XPO1: variants seen among roughly 807,000 people sequenced by gnomAD.
XPO1 encodes the protein exportin-1.
XPO1 carries 5 observed loss-of-function variants against 133.3 expected under a neutral mutation model. The observed-to-expected ratio is 0.04, with a 90% CI of 0.02 to 0.08. XPO1 has a LOEUF of 0.08. Among genes scored for constraint, XPO1 ranks in the 10% least tolerant of loss-of-function variants. The pLI is 1.00. For synonymous variants in XPO1, 419 were observed against 408.2 expected, an observed-to-expected ratio of 1.03 and a Z score of -0.32; for missense variants, 506 against 1,267.5, an observed-to-expected ratio of 0.40 and a Z score of 9.12.
At chr2:61,500,778 GACAGAGCGACACTCCA>G (rs1466896762) in intron 6 of XPO1, among the ~76,000 whole-genome samples, 1 of 151,958 alleles carries the variant, frequency 6.6e-6, no homozygotes, top group Admixed American at 6.6e-5. Flanking sequence ...CAGCATGGGC[GACAGAGCGACACTCCA>G]TTTCAAACAA....
At chr2:61,481,317 A>C in intron 23 of XPO1, 36 bp from the exon 24 acceptor site, 1 of 1,533,902 alleles carries the variant, frequency 6.5e-7, no homozygotes, top group Non-Finnish European at 8.9e-7. Context: ...ATAATGATTT[A>C]TTTTTCCCCC....
At chr2:61,534,108 G>C in intron 1 of XPO1, 1 of 457,234 alleles carries the variant, frequency 2.2e-6, no homozygotes, top group South Asian at 4.8e-5. Context: ...AAATTATTAT[G>C]GTCCATTCAA....
In XPO1 at chr2:61,531,203, C is replaced by A. The variant is rs1047240116; in HGVS notation, c.126+2569G>T. On this transcript the variant is annotated intron_variant, in intron 2 of 24. Coordinates refer to ENST00000401558, the MANE Select transcript of XPO1 (RefSeq NM_003400.4). ...AGGACTTTTAGAGACCAAAAGGACT[C>A]CTTAACCAGCTTTAAGCTCTAAATC... is the stretch of plus-strand genomic sequence containing the variant. 3.9e-5 allele frequency among the ~76,000 whole-genome samples: 6 copies of A among 152,256 alleles called. No homozygotes were observed. The East Asian group carries it at 1.2e-3, about 29-fold the overall frequency.
chr2:61,532,092 T>C (rs551514751), intron 2 of XPO1, among the ~76,000 whole-genome samples: 2 of 152,148 alleles, frequency 1.3e-5, no homozygotes, highest in Non-Finnish European at 2.9e-5. Flanking sequence ...GAAAGTGTAA[T>C]GGCACTCAGG....
chr2:61,486,437 G>A (rs1696697735), intron 19 of XPO1, among the ~76,000 whole-genome samples: 1 of 148,444 alleles, frequency 6.7e-6, no homozygotes, highest in Non-Finnish European at 1.5e-5. Context: ...TATGTAAGAT[G>A]GCAGCAAGCG....
chr2:61,523,838 A>G (rs1180209427), intron 3 of XPO1, among the ~76,000 whole-genome samples: 1 of 152,186 alleles, frequency 6.6e-6, no homozygotes, highest in Non-Finnish European at 1.5e-5. Flanking sequence ...TTAACATTTC[A>G]CACTCTTCAA....
intron 11 of XPO1, chr2:61,494,847 C>G (rs934807411): frequency 6.7e-6 from 1 of 148,638 alleles, no homozygotes; most frequent in African/African-American, 2.5e-5. Flanking sequence ...GAGAGAGAGA[C>G]ATTTTCTTCC....
intron 4 of XPO1, among the ~76,000 whole-genome samples, chr2:61,514,983 C>T (rs967932584): frequency 6.6e-5 from 10 of 150,956 alleles, no homozygotes; most frequent in African/African-American, 2.2e-4. Context: ...GCACAAGAAT[C>T]GCTTGAACCC....
intron 4 of XPO1, among the ~76,000 whole-genome samples, chr2:61,509,958 A>G (rs1162380108): frequency 6.6e-6 from 1 of 152,198 alleles, no homozygotes; most frequent in Non-Finnish European, 1.5e-5. Flanking sequence ...TATAATTGAA[A>G]TGTTTATTAC....
intron 6 of XPO1, among the ~76,000 whole-genome samples, chr2:61,501,191 G>A (rs1697497851): frequency 6.6e-6 from 1 of 152,024 alleles, no homozygotes; most frequent in Admixed American, 6.6e-5. Context: ...TTGGAAGCTT[G>A]GATGTTTCTA....
At chr2:61,531,770 A>C (rs1423506420) in intron 2 of XPO1, among the ~76,000 whole-genome samples, 1 of 152,258 alleles carries the variant, frequency 6.6e-6, no homozygotes, top group Non-Finnish European at 1.5e-5. Flanking sequence ...TTAAAGCTTC[A>C]TGTTGAATGT....
At chr2:61,485,082 G>A (rs1371354860) in intron 20 of XPO1, 6 of 152,276 alleles carry the variant, frequency 3.9e-5, no homozygotes, top group East Asian at 3.9e-4. Context: ...GTTTTGCCAC[G>A]TTAGGCAGGC....
intron 4 of XPO1, among the ~76,000 whole-genome samples, chr2:61,515,420 A>G (rs1573190393): frequency 6.6e-6 from 1 of 152,340 alleles, no homozygotes; most frequent in East Asian, 1.9e-4. Flanking sequence ...AGGACACAGA[A>G]AAGTAGGTGT....
In XPO1 at chr2:61,478,366, T is replaced by C. The variant is rs190918392; in HGVS notation, c.*454A>G. 2 of 243,114 alleles carry C rather than the reference T, an allele frequency of 8.2e-6. No homozygotes were observed. The highest frequency in any genetic ancestry group is 2.2e-5 in the African/African-American group (1 of 45,536). 15.1% of individuals were successfully genotyped at this position (243,114 alleles called of 1,614,324 possible). On this transcript the variant is annotated 3_prime_UTR_variant, in exon 25 of 25. Coordinates refer to ENST00000401558, the MANE Select transcript of XPO1 (RefSeq NM_003400.4). ...TCCAAGAGGTGCTAACTTCAGACAA[T>C]GCAGCACTATAATCCTTTAAACAAC...
chr2:61,488,474 G>T, intron 18 of XPO1, 114 bp downstream of exon 18: 1 of 1,231,100 alleles, frequency 8.1e-7, no homozygotes, highest in Non-Finnish European at 1.1e-6. Flanking sequence ...AGGGTCATTT[G>T]GGAAATGGGA....
Position 61,479,048 on chromosome 2 carries a change from TTAGAG to T in XPO1, c.3070-87_3070-83del. On this transcript the variant is annotated intron_variant, in intron 24 of 24. Coordinates refer to ENST00000401558, the MANE Select transcript of XPO1 (RefSeq NM_003400.4). ...AAATCATAGATGAGCAATTTCCTTT[TTAGAG>T]AAGGAAGGAATATAAATTATCCATA... The T allele has an allele frequency of 2.7e-6, 4 of 1,499,952 alleles. No homozygotes were observed. In the South Asian group the frequency reaches 3.7e-5, roughly 14 times the overall value. The allele number at this position is 1,499,952 out of a possible 1,614,324, so 92.9% of individuals were successfully genotyped here.
intron 22 of XPO1, 41 bp downstream of exon 22, chr2:61,482,916 C>T (rs1234851153): frequency 1.9e-6 from 3 of 1,610,984 alleles, no homozygotes; most frequent in Admixed American, 3.4e-5. Flanking sequence ...AGGCCCTGTG[C>T]CCAGCTGGCA....
At chr2:61,486,622 A>C (rs1479356237) in intron 19 of XPO1, among the ~76,000 whole-genome samples, 1 of 151,864 alleles carries the variant, frequency 6.6e-6, no homozygotes, top group Non-Finnish European at 1.5e-5. Flanking sequence ...CGCCCAGCTA[A>C]TTTTTTATAT....
At chr2:61,529,737 T>C (rs984808276) in intron 2 of XPO1, among the ~76,000 whole-genome samples, 6 of 152,122 alleles carry the variant, frequency 3.9e-5, no homozygotes, top group East Asian at 1.9e-4. Flanking sequence ...CATGACCTTT[T>C]CCTCAGGTAG....
Sources: allele counts gnomAD v4.1 joint callset (sites outside exome capture counted in the v4.1 genomes callset), GRCh38; gene constraint gnomAD v4.1.1; transcripts MANE v1.5; gene names NCBI Gene and HGNC (gene_info 2026-07-23, HGNC 2026-07-21).